The following SCHIP1 variants were observed in gnomAD, a reference collection of about 807,000 sequenced individuals.
SCHIP1 encodes the protein schwannomin interacting protein 1, also known as schwannomin-interacting protein 1.
Under a neutral mutation model 29.7 loss-of-function variants are expected in SCHIP1, and 8 were observed. That is an observed-to-expected ratio of 0.27 (90% confidence interval 0.16 to 0.49). The LOEUF (loss-of-function observed/expected upper bound fraction) is 0.49. Among genes scored for constraint, SCHIP1 ranks in the 20% least tolerant of loss-of-function variants. The pLI is 0.99. For synonymous variants in SCHIP1, 76 were observed against 94.9 expected, an observed-to-expected ratio of 0.80 and a Z score of 1.16; for missense variants, 193 against 294.6, an observed-to-expected ratio of 0.66 and a Z score of 2.52.
At chr3:159,569,166 A>G in the SCHIP1 span, among the ~76,000 whole-genome samples, 1 of 151,736 alleles carries the variant, frequency 6.6e-6, no homozygotes, top group African/African-American at 2.4e-5. Flanking sequence ...TAATCCAATT[A>G]CTGGTTTTTT....
chr3:159,593,868 T>C, the SCHIP1 span, among the ~76,000 whole-genome samples: 10 of 152,238 alleles, frequency 6.6e-5, no homozygotes, highest in African/African-American at 2.2e-4. Flanking sequence ...TCTGAAGTAG[T>C]GTAGGGCAAA....
the SCHIP1 span, among the ~76,000 whole-genome samples, chr3:159,602,273 G>C: frequency 6.6e-6 from 1 of 152,044 alleles, no homozygotes; most frequent in African/African-American, 2.4e-5. Context: ...TTTTTTGTTG[G>C]ACTCTAGTGT....
the SCHIP1 span, among the ~76,000 whole-genome samples, chr3:159,496,704 T>A: frequency 6.6e-6 from 1 of 152,206 alleles, no homozygotes; most frequent in African/African-American, 2.4e-5. Flanking sequence ...TGGCGATTTC[T>A]CAGGGATCTA....
the SCHIP1 span, among the ~76,000 whole-genome samples, chr3:159,394,557 C>A: frequency 2.4e-4 from 37 of 152,260 alleles, no homozygotes; most frequent in African/African-American, 8.4e-4. Flanking sequence ...GCCTTTTCTG[C>A]ATCTATTGAA....
the SCHIP1 span, among the ~76,000 whole-genome samples, chr3:159,491,546 G>A: frequency 6.6e-6 from 1 of 152,202 alleles, no homozygotes; most frequent in African/African-American, 2.4e-5. Flanking sequence ...AGGTGACAGC[G>A]AGGCTGGGGG....
chr3:159,310,926 C>T, the SCHIP1 span, among the ~76,000 whole-genome samples: 1 of 152,088 alleles, frequency 6.6e-6, no homozygotes, highest in Non-Finnish European at 1.5e-5. Flanking sequence ...TATGATCCAT[C>T]TTCAAAATGA....
the SCHIP1 span, among the ~76,000 whole-genome samples, chr3:159,639,212 G>A: frequency 1.3e-5 from 2 of 151,972 alleles, no homozygotes; most frequent in Non-Finnish European, 2.9e-5. Context: ...TAAAATTATT[G>A]ATTCATCTCA....
the SCHIP1 span, among the ~76,000 whole-genome samples, chr3:159,556,962 A>AT: frequency 2.1e-3 from 304 of 146,152 alleles, no homozygotes; most frequent in Admixed American, 4.5e-3. Flanking sequence ...AAAAAAAAAG[A>AT]TTTTTTTTTT....
chr3:159,526,245 T>G, the SCHIP1 span, among the ~76,000 whole-genome samples: 1 of 152,222 alleles, frequency 6.6e-6, no homozygotes, highest in Non-Finnish European at 1.5e-5. Flanking sequence ...GATGGCTCAC[T>G]GCAGCCTTGA....
the SCHIP1 span, among the ~76,000 whole-genome samples, chr3:159,636,209 G>A: frequency 7.9e-5 from 12 of 152,170 alleles, no homozygotes; most frequent in South Asian, 2.3e-3. Context: ...CACCATGCCC[G>A]GCTAATTTTT....
At chr3:159,594,042 C>T in the SCHIP1 span, among the ~76,000 whole-genome samples, 1,207 of 152,338 alleles carry the variant, frequency 7.9e-3, 20 homozygotes, top group Middle Eastern at 0.01. Flanking sequence ...CACAGCATTG[C>T]TGTCTGCTAA....
the SCHIP1 span, among the ~76,000 whole-genome samples, chr3:159,650,596 C>A: frequency 6.6e-6 from 1 of 152,036 alleles, no homozygotes; most frequent in African/African-American, 2.4e-5. Context: ...AAGTCCAATT[C>A]TGAGAAAAAT....
At chr3:159,872,529 A>G (rs990483773) in intron 2 of SCHIP1, among the ~76,000 whole-genome samples, 6 of 152,174 alleles carry the variant, frequency 3.9e-5, no homozygotes, top group African/African-American at 1.4e-4. Flanking sequence ...ATATCTAAAC[A>G]CAAATGTATT....
At chr3:159,442,957 A>G in the SCHIP1 span, among the ~76,000 whole-genome samples, 8 of 152,236 alleles carry the variant, frequency 5.3e-5, no homozygotes, top group African/African-American at 1.2e-4. Context: ...TGAGAAAATA[A>G]CACACACTCC....
chr3:159,359,718 A>T, the SCHIP1 span, among the ~76,000 whole-genome samples: 1 of 152,228 alleles, frequency 6.6e-6, no homozygotes, highest in African/African-American at 2.4e-5. Context: ...CTTCAAACCA[A>T]TAATGAAAGG....
At chr3:159,377,897 G>T in the SCHIP1 span, among the ~76,000 whole-genome samples, 1 of 152,246 alleles carries the variant, frequency 6.6e-6, no homozygotes, top group Non-Finnish European at 1.5e-5. Flanking sequence ...TCAGGAAGAT[G>T]GACATGTACA....
chr3:159,881,316 C>A (rs781036277), intron 2 of SCHIP1, among the ~76,000 whole-genome samples: 14 of 152,130 alleles, frequency 9.2e-5, no homozygotes, highest in Non-Finnish European at 1.5e-5. Flanking sequence ...TATATAAAAT[C>A]TTTGAATCAT....
chr3:159,421,245 A>G, the SCHIP1 span, among the ~76,000 whole-genome samples: 1 of 152,136 alleles, frequency 6.6e-6, no homozygotes, highest in Non-Finnish European at 1.5e-5. Context: ...TTTCTTACCT[A>G]GCTGGAATGT....
At chr3:159,400,972 A>G in the SCHIP1 span, among the ~76,000 whole-genome samples, 1 of 152,322 alleles carries the variant, frequency 6.6e-6, no homozygotes, top group South Asian at 2.1e-4. Flanking sequence ...GAACATAATA[A>G]TAGTATTTGC....
Sources: gnomAD v4.1 joint callset for allele counts (sites outside exome capture counted in the v4.1 genomes callset) on GRCh38, gnomAD v4.1.1 for gene constraint, MANE v1.5 for transcripts, NCBI Gene and HGNC (gene_info 2026-07-23, HGNC 2026-07-21) for gene names.